The following PARD3B variants were observed in gnomAD, a reference collection of about 807,000 sequenced individuals.
PARD3B encodes the protein partitioning defective 3 homolog B.
A neutral mutation model predicts 130.2 loss-of-function variants in PARD3B; 103 were observed. That is an observed-to-expected ratio of 0.79 (90% CI 0.67 to 0.93). The LOEUF is 0.93. Ranked by LOEUF, PARD3B falls within the 40% of genes least tolerant of loss-of-function variation. The pLI, the probability that PARD3B is intolerant of heterozygous loss-of-function variation, is 0.00. For missense variants in PARD3B, 1,609 were observed against 1,499.2 expected (o/e 1.07, Z -1.21); for synonymous variants, 583 against 553.2 (o/e 1.05, Z -0.76).
intron 18 of PARD3B, among the ~76,000 whole-genome samples, chr2:205,386,073 T>C (rs2045651090): frequency 1.3e-5 from 2 of 152,200 alleles, no homozygotes; most frequent in Admixed American, 1.3e-4. Context: ...TACAAATTTC[T>C]TTTAGAGCTC....
chr2:205,613,095 A>G (rs1191663549), intron 22 of PARD3B, among the ~76,000 whole-genome samples: 1 of 152,260 alleles, frequency 6.6e-6, no homozygotes, highest in African/African-American at 2.4e-5. Context: ...CAGGGAGAGA[A>G]CAGGACCCTA....
intron 21 of PARD3B, among the ~76,000 whole-genome samples, chr2:205,511,620 C>G (rs999699092): frequency 1.3e-5 from 2 of 152,174 alleles, no homozygotes; most frequent in Admixed American, 6.5e-5. Context: ...ATTTCTTAAA[C>G]TGTTCTCAAA....
Position 204,623,916 on chromosome 2 carries a change from T to C in PARD3B, c.121-62265T>C, listed in dbSNP as rs2034392617. 6.6e-6 allele frequency among the ~76,000 whole-genome samples: 1 copy of C among 152,186 alleles called. No individual in the cohort carries two copies. Among genetic ancestry groups the C allele is most frequent in the Non-Finnish European group, 1.5e-5 (1 of 68,016 alleles). On this transcript the variant is annotated intron_variant, in intron 1 of 22. Coordinates refer to ENST00000406610, the MANE Select transcript of PARD3B (RefSeq NM_001302769.2). The surrounding 1 kb of genome is among the most constrained non-coding windows in gnomAD (Gnocchi z 4.5). ...TAGAATCTTGCAGCATTTGTCCTCT[T>C]GTAACTGGCTTATTTTGCATACCAT... is the stretch of plus-strand genomic sequence containing the variant.
rs144065674 is a variant in PARD3B at position 205,575,463 on chromosome 2, A to G, written c.3260+22060A>G. Among the ~76,000 whole-genome samples, 9 of 152,170 alleles carry G rather than the reference A, an allele frequency of 5.9e-5. No individual in the cohort carries two copies. In the South Asian group the frequency reaches 1.0e-3, roughly 18 times the overall value. ...TTTGGACAAGTGTATAATGACATGT[A>G]TGTATCATTATAGTATCATGCAAAG... On this transcript the variant is annotated intron_variant, in intron 22 of 22. Transcript: ENST00000406610. This position sits in a 1 kb window ranked among gnomAD's most constrained non-coding sequence, Gnocchi z 4.6.
At chr2:205,024,902 A>G (rs1696900517) in intron 3 of PARD3B, among the ~76,000 whole-genome samples, 1 of 152,168 alleles carries the variant, frequency 6.6e-6, no homozygotes, top group Non-Finnish European at 1.5e-5. Context: ...CAGTGTAACC[A>G]TGGTTTTTAT....
chr2:205,356,619 G>A (rs1462001136), intron 18 of PARD3B, among the ~76,000 whole-genome samples: 2 of 152,146 alleles, frequency 1.3e-5, no homozygotes, highest in Non-Finnish European at 2.9e-5. Context: ...GGCCAGCCGT[G>A]ATGGCTAACG....
chr2:205,266,251 A>T (rs184840345), intron 16 of PARD3B, among the ~76,000 whole-genome samples: 1 of 152,244 alleles, frequency 6.6e-6, no homozygotes, highest in Admixed American at 6.5e-5. Context: ...CAACTGTTTA[A>T]CTCGACACAG....
chr2:205,416,685 A>G (rs1483081804), intron 19 of PARD3B, among the ~76,000 whole-genome samples: 2 of 152,154 alleles, frequency 1.3e-5, no homozygotes, highest in African/African-American at 2.4e-5. Context: ...CATATAAACT[A>G]TGCCCCTTTA....
chr2:204,714,542 G>A (rs2038625108), intron 2 of PARD3B, among the ~76,000 whole-genome samples: 1 of 152,166 alleles, frequency 6.6e-6, no homozygotes, highest in African/African-American at 2.4e-5. Context: ...CAAAAGCACA[G>A]TGTGACTGGT....
intron 19 of PARD3B, among the ~76,000 whole-genome samples, chr2:205,402,363 A>G (rs1018543362): frequency 5.3e-5 from 8 of 152,322 alleles, no homozygotes; most frequent in African/African-American, 1.9e-4. Flanking sequence ...ATTTTAATGC[A>G]TATATTGGCA....
chr2:204,786,705 T>G (rs890187456), intron 2 of PARD3B, among the ~76,000 whole-genome samples: 7 of 151,154 alleles, frequency 4.6e-5, no homozygotes, highest in Non-Finnish European at 8.8e-5. Flanking sequence ...AACACTGATT[T>G]TCTTTAGTGA....
intron 2 of PARD3B, among the ~76,000 whole-genome samples, chr2:204,893,823 T>G (rs1249580287): frequency 6.6e-6 from 1 of 152,162 alleles, no homozygotes; most frequent in Non-Finnish European, 1.5e-5. Flanking sequence ...CTTAAGACTG[T>G]GCCTTATGAA....
At chr2:204,554,160 C>T (rs541903812) in intron 1 of PARD3B, among the ~76,000 whole-genome samples, 17 of 152,232 alleles carry the variant, frequency 1.1e-4, no homozygotes, top group African/African-American at 3.4e-4. Context: ...CTTCTTTCCT[C>T]CTCTACGTCT....
intron 2 of PARD3B, among the ~76,000 whole-genome samples, chr2:204,714,075 A>G (rs997420006): frequency 1.3e-5 from 2 of 152,188 alleles, no homozygotes; most frequent in African/African-American, 4.8e-5. Context: ...GTTAAAATCC[A>G]TAGGTCATAC....
rs961023525 is a variant in PARD3B at position 205,563,170 on chromosome 2, C to G, written c.3260+9767C>G. Among the ~76,000 whole-genome samples the G allele has an allele frequency of 6.6e-6, 1 of 152,178 alleles. No homozygotes were observed. The highest frequency in any genetic ancestry group is 2.1e-4 in the South Asian group (1 of 4,832). On this transcript the variant is annotated intron_variant, in intron 22 of 22. Coordinates refer to ENST00000406610, the MANE Select transcript of PARD3B (RefSeq NM_001302769.2). This position sits in a 1 kb window ranked among gnomAD's most constrained non-coding sequence, Gnocchi z 4.2. ...ATTTTCCATTTTTATATACCAAGAT[C>G]TGCATGCAAATTGTTTCAAAGATGT...
chr2:205,372,647 C>G (rs2044867960), intron 18 of PARD3B, among the ~76,000 whole-genome samples: 1 of 152,154 alleles, frequency 6.6e-6, no homozygotes, highest in African/African-American at 2.4e-5. Context: ...CTAAATGACT[C>G]TGAATATTTA....
chr2:204,710,435 C>CT (rs2038378534), intron 2 of PARD3B, among the ~76,000 whole-genome samples: 1 of 152,194 alleles, frequency 6.6e-6, no homozygotes, highest in Non-Finnish European at 1.5e-5. Context: ...AATTGTTAGA[C>CT]TAATATGTAT....
At chr2:204,864,843 C>T (rs1200726153) in intron 2 of PARD3B, among the ~76,000 whole-genome samples, 1 of 152,078 alleles carries the variant, frequency 6.6e-6, no homozygotes, top group Non-Finnish European at 1.5e-5. Context: ...GGCCTCTGTG[C>T]ATTAGATACC....
chr2:204,690,281 CTG>C (rs2037294815), intron 2 of PARD3B, among the ~76,000 whole-genome samples: 1 of 152,132 alleles, frequency 6.6e-6, no homozygotes, highest in African/African-American at 2.4e-5. Flanking sequence ...CAACTATAGA[CTG>C]TGCTGTTTTC....
Sources: allele counts gnomAD v4.1 joint callset (sites outside exome capture counted in the v4.1 genomes callset), GRCh38; gene constraint gnomAD v4.1.1; non-coding constraint Gnocchi (gnomAD v3.1); transcripts MANE v1.5; gene names NCBI Gene and HGNC (gene_info 2026-07-23, HGNC 2026-07-21).